FBLN1: variants seen among roughly 807,000 people sequenced by gnomAD.
FBLN1 encodes fibulin-1.
In FBLN1, 34 loss-of-function variants were observed where a neutral mutation model predicts 89.7. That is an observed-to-expected ratio of 0.38 (90% CI 0.29 to 0.50). The LOEUF (loss-of-function observed/expected upper bound fraction) is 0.50. FBLN1 is among the 20% of genes least tolerant of loss of function. The pLI is 0.92. For synonymous variants in FBLN1, 393 were observed against 391.3 expected, an observed-to-expected ratio of 1.00 and a Z score of -0.05; for missense variants, 777 against 988.1, an observed-to-expected ratio of 0.79 and a Z score of 2.86.
chr22:45,592,509 G>T (rs900716775), intron 16 of FBLN1, among the ~76,000 whole-genome samples: 1 of 152,092 alleles, frequency 6.6e-6, no homozygotes, highest in Non-Finnish European at 1.5e-5. Context: ...TGTATTTTTA[G>T]TAGAGACAGG....
chr22:45,513,135 A>G lies in FBLN1; in HGVS notation c.80-5547A>G, dbSNP rs182542317. On this transcript the variant is annotated intron_variant, in intron 1 of 16. Transcript: ENST00000327858. Reference sequence around the variant, plus strand: ...TTGACACTGTTCAGATTACTGCATGAAAACAACATTGATTGAAGAAGGCAA... The same window carrying G: ...TTGACACTGTTCAGATTACTGCATGGAAACAACATTGATTGAAGAAGGCAA... Among the ~76,000 whole-genome samples, 23 of 152,316 alleles carry G rather than the reference A, an allele frequency of 1.5e-4. No individual in the cohort carries two copies. In the East Asian group the frequency reaches 3.9e-3, roughly 26 times the overall value.
rs1056366580 is a variant in FBLN1, at chr22:45,597,672, C to T, written c.1973-2635C>T. Among the ~76,000 whole-genome samples the T allele has an allele frequency of 2.0e-5, 3 of 152,184 alleles. No homozygotes were observed. Among genetic ancestry groups the T allele is most frequent in the African/African-American group, 4.8e-5 (2 of 41,426 alleles). On this transcript the variant is annotated intron_variant, in intron 16 of 16. Coordinates refer to ENST00000327858, the MANE Select transcript of FBLN1 (RefSeq NM_006486.3). This position sits in a 1 kb window ranked among gnomAD's most constrained non-coding sequence, Gnocchi z 4.2. Reference sequence around the variant, plus strand: ...CGAGCCCAGGGTGGTGACAGGCGCACGTCTTTTGCCGGGAGCTGAAGACGT... The same window carrying T: ...CGAGCCCAGGGTGGTGACAGGCGCATGTCTTTTGCCGGGAGCTGAAGACGT...
chr22:45,546,731 T>G (rs965997126), intron 11 of FBLN1, among the ~76,000 whole-genome samples: 3 of 152,166 alleles, frequency 2.0e-5, no homozygotes, highest in African/African-American at 7.2e-5. Context: ...GTCATCTGTT[T>G]AGGATGCCAT....
At chr22:45,519,866 G>A (rs559485572) in intron 2 of FBLN1, among the ~76,000 whole-genome samples, 2 of 151,636 alleles carry the variant, frequency 1.3e-5, no homozygotes, top group South Asian at 4.2e-4. Context: ...CCTTTCTGGG[G>A]TTGTTATAAT....
chr22:45,564,986 T>C lies in FBLN1; in HGVS notation c.1698-9525T>C, dbSNP rs773299443. Reference sequence around the variant, plus strand: ...AGGGGTTGGAGGATACCCACCTTGATGCCTAGTGAGGAAGATGGACCTGGA... The same window carrying C: ...AGGGGTTGGAGGATACCCACCTTGACGCCTAGTGAGGAAGATGGACCTGGA... On this transcript the variant is annotated intron_variant, in intron 14 of 16. Coordinates refer to ENST00000327858, the MANE Select transcript of FBLN1 (RefSeq NM_006486.3). 15 of 1,613,786 alleles carry C rather than the reference T, an allele frequency of 9.3e-6. No individual in the cohort carries two copies. The Admixed American group carries it at 1.2e-4, about 13-fold the overall frequency.
At chr22:45,525,127 A>AAGAG (rs3074729) in intron 2 of FBLN1, among the ~76,000 whole-genome samples, 25,863 of 150,686 alleles carry the variant, frequency 0.17, 2,563 homozygotes, top group African/African-American at 0.24. Context: ...GAGAGAAAGA[A>AAGAG]AAACAGAGAG....
chr22:45,564,744 T>C lies in FBLN1; in HGVS notation c.1698-9767T>C, dbSNP rs760245414. On this transcript the variant is annotated intron_variant, in intron 14 of 16. Transcript: ENST00000327858. ...ACCAGGTCTATCTCATTCAGTGCGG[T>C]GTTCCCAGCTCCTTGCAAGACATCT... 13 of 981,050 alleles carry C rather than the reference T, an allele frequency of 1.3e-5. No individual in the cohort carries two copies. In the South Asian group the frequency reaches 1.4e-4, roughly 10 times the overall value. 60.8% of individuals were successfully genotyped at this position (981,050 alleles called of 1,614,324 possible). A position where few individuals can be genotyped will look rare whatever the true frequency, so the allele number is the denominator to read the frequency against.
chr22:45,535,175 A>G (rs761060703), intron 7 of FBLN1, 25 bp from the exon 8 acceptor site: 3 of 1,613,976 alleles, frequency 1.9e-6, no homozygotes, highest in African/African-American at 1.3e-5. Flanking sequence ...CTTGCTAACA[A>G]TTTCCTTTTT....
intron 2 of FBLN1, among the ~76,000 whole-genome samples, chr22:45,522,555 G>A (rs529449913): frequency 5.4e-4 from 82 of 152,260 alleles, no homozygotes; most frequent in South Asian, 2.1e-3. Flanking sequence ...CGACCTCTCC[G>A]CAACCATGGG....
rs1438271733 is a variant in FBLN1, at chr22:45,579,248, T to C, written c.1972+2140T>C. Among the ~76,000 whole-genome samples, 3 of 152,244 alleles carry C rather than the reference T, an allele frequency of 2.0e-5. No homozygotes were observed. Among genetic ancestry groups the C allele is most frequent in the Admixed American group, 6.5e-5 (1 of 15,292 alleles). On this transcript the variant is annotated intron_variant, in intron 16 of 16. Coordinates refer to ENST00000327858, the MANE Select transcript of FBLN1 (RefSeq NM_006486.3). This position sits in a 1 kb window ranked among gnomAD's most constrained non-coding sequence, Gnocchi z 5.5. ...CAGAAAATCCTGGCATGTCAGAGCC[T>C]GGAGGCTCCTAGAGACCATCCCTTC...
Position 45,550,262 on chromosome 22 carries a change from G to A in FBLN1, c.1574-230G>A, listed in dbSNP as rs968784458. Among the ~76,000 whole-genome samples, 10 of 152,140 alleles carry A rather than the reference G, an allele frequency of 6.6e-5. No homozygotes were observed. The highest frequency in any genetic ancestry group is 3.3e-4 in the Admixed American group (5 of 15,282). Reference sequence around the variant, plus strand: ...TAGTGTTTACTTTTACCATCGTCACGCTCCCTCCAGGGATTGCGAATGATA... The same window carrying A: ...TAGTGTTTACTTTTACCATCGTCACACTCCCTCCAGGGATTGCGAATGATA... On this transcript the variant is annotated intron_variant, in intron 13 of 16. Coordinates refer to ENST00000327858, the MANE Select transcript of FBLN1 (RefSeq NM_006486.3). This position sits in a 1 kb window ranked among gnomAD's most constrained non-coding sequence, Gnocchi z 8.4.
At chr22:45,567,106 G>A in intron 14 of FBLN1, among the ~76,000 whole-genome samples, 1 of 152,238 alleles carries the variant, frequency 6.6e-6, no homozygotes, top group East Asian at 1.9e-4. Flanking sequence ...TCAGACGCAG[G>A]CAGCCTGGGC....
At position 45,533,964 on chromosome 22, in the gene FBLN1, G is replaced by T. The variant is rs1398381368; in HGVS notation, c.784+66G>T. On this transcript the variant is annotated intron_variant, in intron 7 of 16. Transcript: ENST00000327858. ...GCGTAGATACGGCGCGGTGGGAAGG[G>T]CAGCTCTGGGGTCTGGGCTCCCGCA... 3.1e-6 allele frequency: 5 copies of T among 1,603,264 alleles called. No individual in the cohort carries two copies. The East Asian group carries it at 1.1e-4, about 36-fold the overall frequency.
intron 8 of FBLN1, 132 bp downstream of exon 8, chr22:45,535,469 G>A: frequency 9.8e-7 from 1 of 1,017,338 alleles, no homozygotes; most frequent in South Asian, 1.4e-5. Context: ...TTGTGTAAAG[G>A]GCTGGACAGC....
Position 45,545,524 on chromosome 22 carries a change from A to G in FBLN1, c.1322-1561A>G, listed in dbSNP as rs1416330848. 6.6e-6 allele frequency among the ~76,000 whole-genome samples: 1 copy of G among 152,202 alleles called. No individual in the cohort carries two copies. The highest frequency in any genetic ancestry group is 1.5e-5 in the Non-Finnish European group (1 of 68,040). ...AAAAGTCGGCATTCATATCCACATT[A>G]GTGGACAATATTGTGGATATAGAAC... On this transcript the variant is annotated intron_variant, in intron 11 of 16. Transcript: ENST00000327858. This position sits in a 1 kb window ranked among gnomAD's most constrained non-coding sequence, Gnocchi z 5.9.
intron 1 of FBLN1, among the ~76,000 whole-genome samples, chr22:45,514,859 T>G (rs995600162): frequency 2.0e-5 from 3 of 152,128 alleles, no homozygotes; most frequent in Admixed American, 6.5e-5. Flanking sequence ...GGACTGAGCC[T>G]GATGCCAGAA....
chr22:45,560,531 G>A (rs578173220), intron 14 of FBLN1, among the ~76,000 whole-genome samples: 8 of 152,228 alleles, frequency 5.3e-5, no homozygotes, highest in Non-Finnish European at 8.8e-5. Context: ...CTCTTCATCC[G>A]TATTTCAGCT....
chr22:45,555,248 C>CATATATATATATATATATATATAT (rs71779159), intron 14 of FBLN1, among the ~76,000 whole-genome samples: 88 of 135,054 alleles, frequency 6.5e-4, no homozygotes, highest in Admixed American at 2.5e-3. Flanking sequence ...ATGGAATATA[C>CATATATATATATATATATATATAT]ATATATATAT....
chr22:45,569,930 C>T (rs2088936961), intron 14 of FBLN1, among the ~76,000 whole-genome samples: 1 of 152,160 alleles, frequency 6.6e-6, no homozygotes, highest in African/African-American at 2.4e-5. Context: ...GAATGATATC[C>T]CTCTGGGTAA....
Sources: gnomAD v4.1 joint callset for allele counts (sites outside exome capture counted in the v4.1 genomes callset) on GRCh38, gnomAD v4.1.1 for gene constraint, Gnocchi (gnomAD v3.1) non-coding constraint, MANE v1.5 for transcripts, NCBI Gene and HGNC (gene_info 2026-07-23, HGNC 2026-07-21) for gene names.